The following NXPE1 variants were observed in gnomAD, a reference collection of about 807,000 sequenced individuals.
NXPE1 encodes the protein neurexophilin and PC-esterase domain family member 1.
NXPE1 carries 31 observed loss-of-function variants against 33.3 expected under a neutral mutation model. The observed-to-expected ratio is 0.93, with a 90% CI of 0.70 to 1.26. NXPE1 has a LOEUF of 1.26. Among genes scored for constraint, NXPE1 ranks in the 50% most tolerant of loss-of-function variants. NXPE1 has a pLI of 0.00. For synonymous variants in NXPE1, 229 were observed against 231.4 expected, an observed-to-expected ratio of 0.99 and a Z score of 0.09; for missense variants, 661 against 655.6, an observed-to-expected ratio of 1.01 and a Z score of -0.09.
chr11:114,541,048 CA>C (rs1948083111), intron 5 of NXPE1, among the ~76,000 whole-genome samples: 1 of 151,720 alleles, frequency 6.6e-6, no homozygotes, highest in Admixed American at 6.6e-5. Context: ...AGACCCAAAG[CA>C]ATCTGCAGCT....
At chr11:114,536,872 A>G (rs1947848256) in intron 5 of NXPE1, among the ~76,000 whole-genome samples, 1 of 152,248 alleles carries the variant, frequency 6.6e-6, no homozygotes, top group Admixed American at 6.5e-5. Context: ...AGCTGGTACT[A>G]TTCCATCTGA....
At chr11:114,540,406 A>T (rs1189606473) in intron 5 of NXPE1, among the ~76,000 whole-genome samples, 2 of 152,232 alleles carry the variant, frequency 1.3e-5, no homozygotes, top group Non-Finnish European at 2.9e-5. Flanking sequence ...AAAATTAAGT[A>T]TGTAAATTAA....
intron 7 of NXPE1, 54 bp downstream of exon 7, chr11:114,527,786 T>C: frequency 8.1e-7 from 1 of 1,241,358 alleles, no homozygotes; most frequent in Non-Finnish European, 1.1e-6. Context: ...TTTAGGTTAA[T>C]GCTGATAAAA....
chr11:114,527,984 A>G lies in NXPE1; in HGVS notation c.834-83T>C. 4.9e-6 allele frequency: 5 copies of G among 1,011,692 alleles called. No individual in the cohort carries two copies. In the East Asian group the frequency reaches 1.0e-4, roughly 20 times the overall value. The allele number at this position is 1,011,692 out of a possible 1,614,324, so 62.7% of individuals were successfully genotyped here. ...GAATCATCTGCTTGTGAGTGAAGGAAAATTTTTAGTTTTCTATAACTGGAA... is the reference window on the plus strand; with the variant it reads ...GAATCATCTGCTTGTGAGTGAAGGAGAATTTTTAGTTTTCTATAACTGGAA... On this transcript the variant is annotated intron_variant, in intron 6 of 8. Transcript: ENST00000534921.
chr11:114,526,379 G>C (rs1294338032), intron 7 of NXPE1: 1 of 152,142 alleles, frequency 6.6e-6, no homozygotes, highest in African/African-American at 2.4e-5. Flanking sequence ...ATCCCATCTA[G>C]AGACAGTATT....
intron 5 of NXPE1, among the ~76,000 whole-genome samples, chr11:114,539,836 AC>A (rs1396405298): frequency 6.6e-6 from 1 of 152,200 alleles, no homozygotes; most frequent in Non-Finnish European, 1.5e-5. Context: ...GGTTAATGGT[AC>A]CATCAGAAAT....
chr11:114,545,928 A>T (rs755772436), intron 5 of NXPE1, among the ~76,000 whole-genome samples: 5 of 152,004 alleles, frequency 3.3e-5, no homozygotes, highest in Admixed American at 6.6e-5. Context: ...TGACTTTGCG[A>T]TCCACCCACC....
chr11:114,530,616 C>T lies in NXPE1; in HGVS notation c.392G>A (p.Arg131Lys), dbSNP rs1473539754. ...CAGGAAATCCCCACCATATTGCTTC[C>T]TCTGTCCCAAGTGGTCCCTCACCTC... Residue 131 changes from arginine (R) to lysine (K), a missense_variant, in exon 6 of 9, where the codon AGG becomes AAG. Transcript: ENST00000534921. 4 of 1,614,030 alleles carry T rather than the reference C, an allele frequency of 2.5e-6. No homozygotes were observed. In the African/African-American group the frequency reaches 5.3e-5, roughly 22 times the overall value.
Position 114,551,205 on chromosome 11 carries a change from G to A in NXPE1, c.-4C>T, listed in dbSNP as rs78842965. ...GAAGCATTGTATTTGAGGACATGAC[G>A]AATGTCCTAGGAGAGATGACACAAG... On this transcript the variant is annotated 5_prime_UTR_variant, in exon 5 of 9. Coordinates refer to ENST00000534921, the Ensembl canonical transcript of NXPE1. 129 of 1,517,534 alleles carry A rather than the reference G, an allele frequency of 8.5e-5. No individual in the cohort carries two copies. The East Asian group carries it at 2.1e-3, about 25-fold the overall frequency. The allele number at this position is 1,517,534 out of a possible 1,614,324, so 94.0% of individuals were successfully genotyped here.
chr11:114,540,657 A>T (rs1280246098), intron 5 of NXPE1, among the ~76,000 whole-genome samples: 1 of 151,946 alleles, frequency 6.6e-6, no homozygotes, highest in Non-Finnish European at 1.5e-5. Flanking sequence ...TTCAACTCTG[A>T]ACGAAATGCC....
exon 6 of NXPE1, chr11:114,530,260 T>C: frequency 6.2e-7 from 1 of 1,613,990 alleles, no homozygotes; most frequent in Non-Finnish European, 8.5e-7. Context: ...TCACAGGGCA[T>C]GTGTTGAGGC....
intron 1 of NXPE1, chr11:114,554,445 T>A: frequency 5.5e-6 from 5 of 907,468 alleles, no homozygotes; most frequent in Non-Finnish European, 6.6e-6. Context: ...ATGGGCCCTT[T>A]GATAATCAGT....
chr11:114,535,809 T>C (rs1947797695), intron 5 of NXPE1, among the ~76,000 whole-genome samples: 1 of 152,104 alleles, frequency 6.6e-6, no homozygotes, highest in African/African-American at 2.4e-5. Flanking sequence ...ACAAAGAGAC[T>C]TAGACTCCGA....
At chr11:114,521,071 T>G (rs1203084477), downstream of NXPE1, among the ~76,000 whole-genome samples, 1 of 152,244 alleles carries the variant, frequency 6.6e-6, no homozygotes, top group Non-Finnish European at 1.5e-5. Context: ...AAATGGTGCT[T>G]TCCTAATTCT....
intron 5 of NXPE1, among the ~76,000 whole-genome samples, chr11:114,539,517 C>G (rs1407075276): frequency 6.6e-6 from 1 of 152,046 alleles, no homozygotes; most frequent in African/African-American, 2.4e-5. Context: ...TTTTAAAGGT[C>G]TGAATGAATG....
At chr11:114,521,817 G>T in exon 9 of NXPE1, 1 of 603,022 alleles carries the variant, frequency 1.7e-6, no homozygotes, top group Non-Finnish European at 2.9e-6. Context: ...TCCCTTATCA[G>T]TTGTCATTGT....
chr11:114,533,198 G>T (rs1360537406), intron 5 of NXPE1, among the ~76,000 whole-genome samples: 1 of 152,100 alleles, frequency 6.6e-6, no homozygotes, highest in East Asian at 1.9e-4. Context: ...TGTTTGCAAA[G>T]AAACCAGAGT....
chr11:114,538,430 G>C (rs1012916351), intron 5 of NXPE1, among the ~76,000 whole-genome samples: 3 of 152,242 alleles, frequency 2.0e-5, no homozygotes, highest in African/African-American at 7.2e-5. Flanking sequence ...TTGACAAATG[G>C]GATCTAATTA....
chr11:114,537,889 T>A (rs1947901555), intron 5 of NXPE1, among the ~76,000 whole-genome samples: 1 of 152,072 alleles, frequency 6.6e-6, no homozygotes, highest in Non-Finnish European at 1.5e-5. Flanking sequence ...GCCATCCCCA[T>A]CAAGCTACCA....
Sources: allele counts gnomAD v4.1 joint callset (sites outside exome capture counted in the v4.1 genomes callset), GRCh38; gene constraint gnomAD v4.1.1; transcripts MANE v1.5; gene names NCBI Gene and HGNC (gene_info 2026-07-23, HGNC 2026-07-21).